ARHGAP1: variants seen among roughly 807,000 people sequenced by gnomAD.
The protein encoded by ARHGAP1 is Rho GTPase activating protein 1, also known as rho GTPase-activating protein 1.
In ARHGAP1, 23 loss-of-function variants were observed where a neutral mutation model predicts 52.2. That is an observed-to-expected ratio of 0.44 (90% CI 0.32 to 0.62). The LOEUF (loss-of-function observed/expected upper bound fraction) is 0.62. Ranked by LOEUF, ARHGAP1 falls within the 20% of genes least tolerant of loss-of-function variation. ARHGAP1 has a pLI of 0.05. For synonymous variants in ARHGAP1, 210 were observed against 228.4 expected, an observed-to-expected ratio of 0.92 and a Z score of 0.73; for missense variants, 480 against 560.9, an observed-to-expected ratio of 0.86 and a Z score of 1.46.
chr11:46,687,161 C>T, intron 4 of ARHGAP1: 1 of 152,474 alleles, frequency 6.6e-6, no homozygotes, highest in Non-Finnish European at 1.5e-5. Context: ...CCACCAGCCC[C>T]AGGCCAAGCT....
In ARHGAP1 at chr11:46,679,299, C is replaced by T. The variant is rs965818019; in HGVS notation, c.1131+66G>A. ...CCACTCCCAGCAACAATGACCAGGG[C>T]GCAGAGGAGGCGGCAGCTCCTCCTT... On this transcript the variant is annotated intron_variant, in intron 12 of 12. Transcript: ENST00000311956. The surrounding 1 kb of genome is among the most constrained non-coding windows in gnomAD (Gnocchi z 4.4). The T allele has an allele frequency of 8.2e-5, 132 of 1,602,798 alleles. No homozygotes were observed. The African/African-American group carries it at 1.2e-3, about 15-fold the overall frequency.
At chr11:46,691,013 T>TGAGTAGC (rs2064610215) in intron 3 of ARHGAP1, among the ~76,000 whole-genome samples, 1 of 152,128 alleles carries the variant, frequency 6.6e-6, no homozygotes, top group South Asian at 2.1e-4. Context: ...TCCCATGTCC[T>TGAGTAGC]GAGTAGCTAG....
chr11:46,680,610 C>A lies in ARHGAP1; in HGVS notation c.743+30G>T, dbSNP rs4752927. On this transcript the variant is annotated intron_variant, in intron 8 of 12. Coordinates refer to ENST00000311956, the MANE Select transcript of ARHGAP1 (RefSeq NM_004308.5). This position sits in a 1 kb window ranked among gnomAD's most constrained non-coding sequence, Gnocchi z 5.9. ...GCCGGGCCTGCAGCCCTTCCCGCCC[C>A]GCCGTGGCCCAGCCACCTTTCATAC... is the stretch of plus-strand genomic sequence containing the variant. 93 of 1,613,238 alleles carry A rather than the reference C, an allele frequency of 5.8e-5. No individual in the cohort carries two copies. The African/African-American group carries it at 1.2e-3, about 21-fold the overall frequency.
At chr11:46,693,631 A>T (rs1363861170) in intron 3 of ARHGAP1, among the ~76,000 whole-genome samples, 1 of 151,788 alleles carries the variant, frequency 6.6e-6, no homozygotes, top group Non-Finnish European at 1.5e-5. Context: ...GCTGGTCCTA[A>T]CTCCAGGGTG....
intron 4 of ARHGAP1, chr11:46,686,907 C>T (rs2064573727): frequency 6.6e-6 from 1 of 152,262 alleles, no homozygotes; most frequent in African/African-American, 2.4e-5. Context: ...CACCCCACTG[C>T]CCTCAGCAGG....
intron 3 of ARHGAP1, among the ~76,000 whole-genome samples, chr11:46,692,775 C>T (rs2064623466): frequency 2.0e-5 from 3 of 152,268 alleles, no homozygotes; most frequent in African/African-American, 2.4e-5. Context: ...GCAACCTCTA[C>T]CTCCTGGGTT....
rs564837812 is a variant in ARHGAP1, at chr11:46,680,415, C to T, written c.820+72G>A. 4 of 1,595,004 alleles carry T rather than the reference C, an allele frequency of 2.5e-6. No homozygotes were observed. In the Admixed American group the frequency reaches 6.7e-5, roughly 27 times the overall value. ...GCTTGCAGGACCTCCCTCTGCCCTG[C>T]CCAGCAGCTTCCCCAGCTTCCTGAA... On this transcript the variant is annotated intron_variant, in intron 9 of 12. Coordinates refer to ENST00000311956, the MANE Select transcript of ARHGAP1 (RefSeq NM_004308.5). This position sits in a 1 kb window ranked among gnomAD's most constrained non-coding sequence, Gnocchi z 5.9.
In ARHGAP1 at chr11:46,681,943, G is replaced by A. The variant is rs1260274871; in HGVS notation, c.449+108C>T. The A allele has an allele frequency of 2.0e-6, 3 of 1,499,998 alleles. No individual in the cohort carries two copies. Among genetic ancestry groups the A allele is most frequent in the Admixed American group, 1.8e-5 (1 of 54,460 alleles). The allele number at this position is 1,499,998 out of a possible 1,614,324, so 92.9% of individuals were successfully genotyped here. On this transcript the variant is annotated intron_variant, in intron 5 of 12. Coordinates refer to ENST00000311956, the MANE Select transcript of ARHGAP1 (RefSeq NM_004308.5). The surrounding 1 kb of genome is among the most constrained non-coding windows in gnomAD (Gnocchi z 5.7). ...TACATTGACGTAGACGGCAGCCCCC[G>A]CCACCCCCTGCCTTGGAATAAGCTC...
At chr11:46,682,409 C>T (rs890912905) in intron 4 of ARHGAP1, among the ~76,000 whole-genome samples, 1 of 152,204 alleles carries the variant, frequency 6.6e-6, no homozygotes, top group Non-Finnish European at 1.5e-5. Context: ...CTCAGCCGGG[C>T]GCAGTGGCTC....
intron 3 of ARHGAP1, among the ~76,000 whole-genome samples, chr11:46,692,854 ATTT>A (rs142099026): frequency 2.9e-5 from 4 of 139,778 alleles, no homozygotes; most frequent in Non-Finnish European, 3.1e-5. Flanking sequence ...CACCCAGCTA[ATTT>A]TTTTTTTTTT....
intron 4 of ARHGAP1, chr11:46,687,640 C>A (rs994679848): frequency 6.6e-6 from 1 of 152,590 alleles, no homozygotes; most frequent in African/African-American, 2.4e-5. Context: ...GTCTTTCAAG[C>A]CTTGGCATTC....
chr11:46,680,629 T>G lies in ARHGAP1; in HGVS notation c.743+11A>C. ...CCGCCCCGCCGTGGCCCAGCCACCT[T>G]TCATACTTACTGCTGCAGCGAGACT... On this transcript the variant is annotated intron_variant, in intron 8 of 12. Transcript: ENST00000311956. The surrounding 1 kb of genome is among the most constrained non-coding windows in gnomAD (Gnocchi z 5.9). 1 of 1,613,582 alleles carries G rather than the reference T, an allele frequency of 6.2e-7. No homozygotes were observed. Among genetic ancestry groups the G allele is most frequent in the Non-Finnish European group, 8.5e-7 (1 of 1,179,622 alleles).
At chr11:46,695,861 C>T in intron 2 of ARHGAP1, 106 bp from the exon 3 acceptor site, 2 of 1,595,582 alleles carry the variant, frequency 1.3e-6, no homozygotes, top group Non-Finnish European at 1.7e-6. Flanking sequence ...ATGCTCCCAG[C>T]CCAAACCTGG....
Position 46,681,032 on chromosome 11 carries a change from C to A in ARHGAP1, c.614G>T (p.Gly205Val), listed in dbSNP as rs1392085252. ...LSEHVKLEQL[G>V]IPRQVLKYDD... ...TCACTTGAGCACTTGGCGAGGGATC[C>A]CCAGCTGCTCCAGCTTCACGTGCTC... The change falls in exon 7 of 13, where the codon GGG becomes GTG. Residue 205 changes from glycine to valine, a missense_variant. Transcript: ENST00000311956. This position sits in a 1 kb window ranked among gnomAD's most constrained non-coding sequence, Gnocchi z 5.7. The A allele has an allele frequency of 1.9e-6, 3 of 1,614,024 alleles. No homozygotes were observed.
At chr11:46,689,686 G>A (rs1263189460) in intron 3 of ARHGAP1, among the ~76,000 whole-genome samples, 1 of 151,818 alleles carries the variant, frequency 6.6e-6, no homozygotes, top group Non-Finnish European at 1.5e-5. Context: ...GATTACAGGC[G>A]CCTGCCACCA....
chr11:46,691,521 G>A (rs111673998), intron 3 of ARHGAP1, among the ~76,000 whole-genome samples: 4,467 of 150,648 alleles, frequency 0.03, 102 homozygotes, highest in Middle Eastern at 0.072. Flanking sequence ...GCGCGATCTC[G>A]GCTCACTGCA....
At chr11:46,686,133 G>A (rs1202801914) in intron 4 of ARHGAP1, among the ~76,000 whole-genome samples, 1 of 151,956 alleles carries the variant, frequency 6.6e-6, no homozygotes, top group Admixed American at 6.6e-5. Flanking sequence ...TAGGATTATA[G>A]GCATGCACCA....
rs1002528035 is a variant in ARHGAP1, at chr11:46,680,143, G to A, written c.898+62C>T. 1.3e-6 allele frequency: 2 copies of A among 1,526,382 alleles called. No individual in the cohort carries two copies. Among genetic ancestry groups the A allele is most frequent in the African/African-American group, 2.7e-5 (2 of 72,998 alleles). 94.6% of individuals were successfully genotyped at this position (1,526,382 alleles called of 1,614,324 possible). On this transcript the variant is annotated intron_variant, in intron 10 of 12. Coordinates refer to ENST00000311956, the MANE Select transcript of ARHGAP1 (RefSeq NM_004308.5). The surrounding 1 kb of genome is among the most constrained non-coding windows in gnomAD (Gnocchi z 5.9). ...AGACTCTCATTTACAGGGCAGCAGA[G>A]GGCAGAGAAGCCCCCTACCAGTAAC...
Position 46,679,505 on chromosome 11 carries a change from G to T in ARHGAP1, c.1028-37C>A. The T allele has an allele frequency of 6.2e-7, 1 of 1,610,870 alleles. No homozygotes were observed. Among genetic ancestry groups the T allele is most frequent in the Non-Finnish European group, 8.5e-7 (1 of 1,177,496 alleles). On this transcript the variant is annotated intron_variant, in intron 11 of 12. Coordinates refer to ENST00000311956, the MANE Select transcript of ARHGAP1 (RefSeq NM_004308.5). The surrounding 1 kb of genome is among the most constrained non-coding windows in gnomAD (Gnocchi z 4.4). ...GGAGGCCCGGGTTATAGGGGCCCTAGGCTGGGCTGGTTCAGGACGCTCTGA... is the reference window on the plus strand; with the variant it reads ...GGAGGCCCGGGTTATAGGGGCCCTATGCTGGGCTGGTTCAGGACGCTCTGA...
Sources: gnomAD v4.1 joint callset for allele counts (sites outside exome capture counted in the v4.1 genomes callset) on GRCh38, gnomAD v4.1.1 for gene constraint, Gnocchi (gnomAD v3.1) non-coding constraint, MANE v1.5 for transcripts, NCBI Gene and HGNC (gene_info 2026-07-23, HGNC 2026-07-21) for gene names.